SLC40A1: variants seen among roughly 807,000 people sequenced by gnomAD.
SLC40A1 encodes solute carrier family 40 member 1, also known as ferroportin.
Under a neutral mutation model 53.5 loss-of-function variants are expected in SLC40A1, and 16 were observed. The observed-to-expected ratio is 0.30, with a 90% CI of 0.20 to 0.45. The LOEUF (loss-of-function observed/expected upper bound fraction) is 0.45. Ranked by LOEUF, SLC40A1 falls within the 20% of genes least tolerant of loss-of-function variation. SLC40A1 has a pLI of 1.00. For synonymous variants in SLC40A1, 247 were observed against 253.2 expected (o/e 0.98, Z 0.23); for missense variants, 545 against 695.4 (o/e 0.78, Z 2.43).
intron 2 of SLC40A1, among the ~76,000 whole-genome samples, chr2:189,578,013 C>A (rs188095802): frequency 1.6e-3 from 246 of 152,204 alleles, no homozygotes; most frequent in Non-Finnish European, 2.7e-3. Flanking sequence ...GCATTCAACC[C>A]CACACAAAAC....
At chr2:189,571,885 C>T (rs767617693) in intron 4 of SLC40A1, 44 bp from the exon 5 acceptor site, 7 of 1,228,702 alleles carry the variant, frequency 5.7e-6, no homozygotes, top group Non-Finnish European at 7.2e-6. Flanking sequence ...GTCAGTTTAC[C>T]ACACTGTACA....
At chr2:189,572,685 A>C in intron 4 of SLC40A1, 161 bp downstream of exon 4, 1 of 649,118 alleles carries the variant, frequency 1.5e-6, no homozygotes, top group South Asian at 1.8e-5. Context: ...TTGTGGGCAA[A>C]ACAACAACAA....
chr2:189,579,773 A>T (rs940440936), intron 2 of SLC40A1, 40 bp downstream of exon 2: 3 of 1,561,862 alleles, frequency 1.9e-6, no homozygotes, highest in Non-Finnish European at 2.6e-6. Flanking sequence ...GAAATAAAAA[A>T]TTGCGCAACT....
chr2:189,563,424 A>G (rs2030819997), intron 7 of SLC40A1, among the ~76,000 whole-genome samples, 160 bp downstream of exon 7: 1 of 152,178 alleles, frequency 6.6e-6, no homozygotes, highest in Non-Finnish European at 1.5e-5. Flanking sequence ...AAAACACAAT[A>G]AATATAAAGT....
At chr2:189,578,945 A>T (rs1404345221) in intron 2 of SLC40A1, among the ~76,000 whole-genome samples, 1 of 152,254 alleles carries the variant, frequency 6.6e-6, no homozygotes, top group Non-Finnish European at 1.5e-5. Context: ...GGAAAATAAC[A>T]TTCAAAAAAT....
At chr2:189,572,666 GA>G (rs1318338214) in intron 4 of SLC40A1, 179 bp downstream of exon 4, 3 of 622,762 alleles carry the variant, frequency 4.8e-6, no homozygotes, top group Non-Finnish European at 8.6e-6. Context: ...AATACTTAAT[GA>G]GTGCCTGTTG....
chr2:189,580,024 C>A, intron 1 of SLC40A1, 144 bp from the exon 2 acceptor site: 1 of 848,670 alleles, frequency 1.2e-6, no homozygotes, highest in South Asian at 1.4e-5. Context: ...TATCAAGTTA[C>A]CTATGAACCG....
Position 189,563,603 on chromosome 2 carries a change from G to T in SLC40A1, c.1383C>A (p.Gly461=). The change falls in exon 7 of 8, where the codon GGC becomes GGA. Residue 461 remains glycine (G), a synonymous_variant. Transcript: ENST00000261024. ...TCTTACCGATTCTAGCAGCAATGAC[G>T]CCTGCAAACAGCAGACTGACAGAGA... ...PIISVSLLFA[G]VIAARIGLWS... is the part of the protein sequence containing the mutation. 6.2e-7 allele frequency: 1 copy of T among 1,613,840 alleles called. No homozygotes were observed. Among genetic ancestry groups the T allele is most frequent in the Non-Finnish European group, 8.5e-7 (1 of 1,179,874 alleles).
chr2:189,570,846 TTTAC>T lies in SLC40A1; in HGVS notation c.514+865_514+868del, dbSNP rs148080141. Among the ~76,000 whole-genome samples the T allele has an allele frequency of 9.5e-3, 1,454 of 152,258 alleles. 13 individuals carry two copies. Among genetic ancestry groups the T allele is most frequent in the African/African-American group, 0.028 (1,156 of 41,536 alleles). ...ATGCCATTTAAGTCATCAAGAATGG[TTTAC>T]TTGTCTGTCAGGACAGTTGGGCAAT... On this transcript the variant is annotated intron_variant, in intron 5 of 7. Coordinates refer to ENST00000261024, the MANE Select transcript of SLC40A1 (RefSeq NM_014585.6).
chr2:189,567,496 T>C (rs746800204), intron 5 of SLC40A1, among the ~76,000 whole-genome samples: 1 of 152,058 alleles, frequency 6.6e-6, no homozygotes. Context: ...AAAAAATTAA[T>C]TAAAATAAAA....
chr2:189,572,583 C>G (rs2031164405), intron 4 of SLC40A1: 2 of 532,802 alleles, frequency 3.8e-6, no homozygotes, highest in Non-Finnish European at 6.7e-6. Context: ...AAGCTGAAAA[C>G]AAACAACTGA....
At position 189,565,341 on chromosome 2, in the gene SLC40A1, G is replaced by A; in HGVS notation, c.760+13C>T. The A allele has an allele frequency of 6.2e-7, 1 of 1,613,778 alleles. No individual in the cohort carries two copies. On this transcript the variant is annotated intron_variant, in intron 6 of 7. Transcript: ENST00000261024. ...CATGAGAACAAAAGGAGAGATCATT[G>A]TGTTCAGTTTACCTTTGTGTAAATT... is the stretch of plus-strand genomic sequence containing the variant.
In SLC40A1 at chr2:189,563,637, A is replaced by G; in HGVS notation, c.1349T>C (p.Val450Ala). 3 of 1,614,198 alleles carry G rather than the reference A, an allele frequency of 1.9e-6. No homozygotes were observed. The South Asian group carries it at 3.3e-5, about 18-fold the overall frequency. The part of the protein sequence containing the change: ...NIVPETSPES[V>A]PIISVSLLFA... The stretch of plus-strand genomic sequence containing the variant: ...CAGCAGACTGACAGAGATTATGGGC[A>G]CAGATTCAGGACTTGTCTCCGGGAC... The change falls in exon 7 of 8, where the codon GTG (valine) becomes GCG (alanine). Residue 450 changes from valine to alanine, a missense_variant. This residue lies in a region of SLC40A1 where 234 missense variants were observed against 299.0 expected (regional missense o/e 0.78). Coordinates refer to ENST00000261024, the MANE Select transcript of SLC40A1 (RefSeq NM_014585.6).
Position 189,573,794 on chromosome 2 carries a change from A to C in SLC40A1, c.272-833T>G, listed in dbSNP as rs528314622. Reference sequence around the variant, plus strand: ...GGGATAATTACAGCTCTTGTCTTCAAGGATAATATAGTTCATCCTTGCTTG... The same window carrying C: ...GGGATAATTACAGCTCTTGTCTTCACGGATAATATAGTTCATCCTTGCTTG... On this transcript the variant is annotated intron_variant, in intron 3 of 7. Transcript: ENST00000261024. Among the ~76,000 whole-genome samples the C allele has an allele frequency of 5.3e-5, 8 of 152,350 alleles. No homozygotes were observed. The South Asian group carries it at 1.7e-3, about 32-fold the overall frequency.
In SLC40A1 at chr2:189,563,289, CAA is replaced by C. The variant is rs964698716; in HGVS notation, c.1402+293_1402+294del. On this transcript the variant is annotated intron_variant, in intron 7 of 7. Transcript: ENST00000261024. ...GACCCTGATCTCAAAAAAAAAAAAA[CAA>C]AAAAAAAAACAAGTAATATTTAAGA... Among the ~76,000 whole-genome samples, 17 of 125,688 alleles carry C rather than the reference CAA, an allele frequency of 1.4e-4. 1 individual carries two copies. In the South Asian group the frequency reaches 4.4e-3, roughly 33 times the overall value. The allele number at this position is 125,688 out of a possible 152,430, so 82.5% of individuals were successfully genotyped here.
chr2:189,578,801 C>T (rs561581213), intron 2 of SLC40A1, among the ~76,000 whole-genome samples: 1 of 152,318 alleles, frequency 6.6e-6, no homozygotes, highest in East Asian at 1.9e-4. Flanking sequence ...AAAATGTCAT[C>T]TATAAACTGC....
At chr2:189,572,549 A>C (rs750230019) in intron 4 of SLC40A1, 6 of 449,820 alleles carry the variant, frequency 1.3e-5, no homozygotes, top group Non-Finnish European at 2.0e-5. Flanking sequence ...ATTAAATAGC[A>C]CAAACAAAGT....
At chr2:189,566,384 A>T (rs966269081) in intron 5 of SLC40A1, among the ~76,000 whole-genome samples, 3 of 152,230 alleles carry the variant, frequency 2.0e-5, no homozygotes, top group Admixed American at 2.0e-4. Context: ...AATGCTTCCC[A>T]TGGCCTTATG....
chr2:189,563,902 A>G lies in SLC40A1; in HGVS notation c.1084T>C (p.Trp362Arg). Reference protein sequence around the residue: ...TGIMGTVAFTWLRRKCGLVRT... With the variant: ...TGIMGTVAFTRLRRKCGLVRT... ...ACCAAACCACATTTTCGACGTAGCC[A>G]AGTAAAAGCTACAGTTCCCATTATT... The change falls in exon 7 of 8, where the codon TGG (tryptophan) becomes CGG (arginine). Residue 362 changes from tryptophan to arginine, a missense_variant. Trp to Arg is a moderately radical substitution (Grantham distance 101, BLOSUM62 -3). This residue lies in a region of SLC40A1 where 234 missense variants were observed against 299.0 expected (regional missense o/e 0.78). Coordinates refer to ENST00000261024, the MANE Select transcript of SLC40A1 (RefSeq NM_014585.6). 1 of 1,614,210 alleles carries G rather than the reference A, an allele frequency of 6.2e-7. No individual in the cohort carries two copies. Among genetic ancestry groups the G allele is most frequent in the Non-Finnish European group, 8.5e-7 (1 of 1,180,026 alleles).
Sources: gnomAD v4.1 joint callset for allele counts (sites outside exome capture counted in the v4.1 genomes callset) on GRCh38, gnomAD v4.1.1 for gene constraint, gnomAD v4.1.1 regional missense constraint, MANE v1.5 for transcripts, NCBI Gene and HGNC (gene_info 2026-07-23, HGNC 2026-07-21) for gene names.